TTBK2: variants seen among roughly 807,000 people sequenced by gnomAD.
TTBK2 encodes tau tubulin kinase 2.
In TTBK2, 28 loss-of-function variants were observed where a neutral mutation model predicts 110.8. The ratio of observed to expected loss-of-function variants is 0.25; its 90% CI spans 0.19 to 0.35. The LOEUF (loss-of-function observed/expected upper bound fraction) is 0.35, where lower values mean the gene tolerates loss of function less well. Among genes scored for constraint, TTBK2 ranks in the 10% least tolerant of loss-of-function variants. TTBK2 has a pLI of 1.00. For synonymous variants in TTBK2, 532 were observed against 527.3 expected (o/e 1.01, Z -0.12); for missense variants, 1,369 against 1,500.3 (o/e 0.91, Z 1.45).
At chr15:42,802,706 A>G (rs578235128) in intron 9 of TTBK2, among the ~76,000 whole-genome samples, 27 of 152,186 alleles carry the variant, frequency 1.8e-4, no homozygotes, top group Non-Finnish European at 4.0e-4. Flanking sequence ...TCATTGTGCA[A>G]GCATCATACA....
intron 11 of TTBK2, among the ~76,000 whole-genome samples, chr15:42,779,554 T>G (rs773511536): frequency 2.0e-5 from 3 of 151,980 alleles, no homozygotes; most frequent in African/African-American, 7.3e-5. Context: ...CCAAAAGACA[T>G]GAGGTAAAGG....
At position 42,787,333 on chromosome 15, in the gene TTBK2, C is replaced by T. The variant is rs148511743; in HGVS notation, c.981-3698G>A. Among the ~76,000 whole-genome samples, 562 of 152,216 alleles carry T rather than the reference C, an allele frequency of 3.7e-3. 2 individuals carry two copies. The highest frequency in any genetic ancestry group is 0.013 in the African/African-American group (538 of 41,526). On this transcript the variant is annotated intron_variant, in intron 10 of 14. Coordinates refer to ENST00000267890, the MANE Select transcript of TTBK2 (RefSeq NM_173500.4). ...CTTCTAAACTTTCATTCTCCCTCTACGAAGAAATTCAGGGTTCTGGGACAT... is the reference window on the plus strand; with the variant it reads ...CTTCTAAACTTTCATTCTCCCTCTATGAAGAAATTCAGGGTTCTGGGACAT...
chr15:42,764,892 C>G (rs1046703970), intron 13 of TTBK2, among the ~76,000 whole-genome samples: 7 of 152,242 alleles, frequency 4.6e-5, no homozygotes, highest in African/African-American at 1.7e-4. Context: ...AGGTGCCCCT[C>G]TGAGACGAAG....
chr15:42,827,525 A>G (rs775824523), intron 6 of TTBK2, among the ~76,000 whole-genome samples: 6 of 152,230 alleles, frequency 3.9e-5, no homozygotes, highest in Non-Finnish European at 7.3e-5. Flanking sequence ...GAAATAAAGG[A>G]CAGCTTGATT....
intron 1 of TTBK2, among the ~76,000 whole-genome samples, chr15:42,892,509 C>T (rs1419204920): frequency 6.6e-6 from 1 of 151,476 alleles, no homozygotes; most frequent in African/African-American, 2.4e-5. Context: ...GGGTTCAAGA[C>T]CAACCTAAGC....
intron 9 of TTBK2, chr15:42,801,153 C>A: frequency 8.3e-7 from 1 of 1,201,372 alleles, no homozygotes; most frequent in Admixed American, 1.7e-5. Context: ...GCTCTGACCA[C>A]CTGCATAGCT....
At chr15:42,802,282 C>T (rs1318961813) in intron 9 of TTBK2, 3 of 792,604 alleles carry the variant, frequency 3.8e-6, no homozygotes, top group Non-Finnish European at 6.8e-6. Flanking sequence ...GCTGCTGCTG[C>T]CCATTCGGGA....
intron 5 of TTBK2, among the ~76,000 whole-genome samples, chr15:42,828,722 CA>C (rs1223349148): frequency 3.4e-3 from 172 of 50,604 alleles, no homozygotes; most frequent in Middle Eastern, 0.013. Flanking sequence ...GACTCTGTCA[CA>C]AAAAAAAAAA....
At chr15:42,847,129 C>G (rs1429749589) in intron 3 of TTBK2, among the ~76,000 whole-genome samples, 1 of 152,204 alleles carries the variant, frequency 6.6e-6, no homozygotes, top group African/African-American at 2.4e-5. Flanking sequence ...GTCAGAAGTA[C>G]AGTTTAAGCC....
chr15:42,905,574 T>C, intron 1 of TTBK2, among the ~76,000 whole-genome samples: 1 of 152,154 alleles, frequency 6.6e-6, no homozygotes, highest in East Asian at 1.9e-4. Flanking sequence ...ATCTTTTAAA[T>C]TGTATAGGAA....
intron 4 of TTBK2, among the ~76,000 whole-genome samples, chr15:42,838,610 G>A (rs1036287720): frequency 6.6e-6 from 1 of 152,178 alleles, no homozygotes; most frequent in Non-Finnish European, 1.5e-5. Context: ...GAGGTCAGGA[G>A]TTCAACGCCA....
intron 1 of TTBK2, among the ~76,000 whole-genome samples, chr15:42,895,303 G>T (rs1158906857): frequency 6.6e-6 from 1 of 152,056 alleles, no homozygotes; most frequent in Admixed American, 6.5e-5. Context: ...TCTGCAAAAG[G>T]ACAGAAATAT....
rs57628672 is a variant in TTBK2, at chr15:42,851,238, ACT to A, written c.218-10807_218-10806del. Among the ~76,000 whole-genome samples, 729 of 150,480 alleles carry A rather than the reference ACT, an allele frequency of 4.8e-3. 14 individuals carry two copies. The highest frequency in any genetic ancestry group is 0.035 in the Admixed American group (531 of 15,026). ...ACTCCAGCCTCGGCGACAGAGCAAA[ACT>A]CTGTCTCAGAAAAAAAAAAAAAAGA... On this transcript the variant is annotated intron_variant, in intron 3 of 14. Transcript: ENST00000267890.
chr15:42,894,192 C>T (rs1233620189), intron 1 of TTBK2, among the ~76,000 whole-genome samples: 3 of 152,180 alleles, frequency 2.0e-5, no homozygotes, highest in African/African-American at 7.2e-5. Flanking sequence ...CCTCCTTTGC[C>T]TTTCACTATG....
intron 1 of TTBK2, among the ~76,000 whole-genome samples, chr15:42,913,684 A>G (rs1280234428): frequency 6.6e-6 from 1 of 152,182 alleles, no homozygotes; most frequent in Non-Finnish European, 1.5e-5. Flanking sequence ...TATGGTTACA[A>G]TTACTGACAA....
At chr15:42,749,928 A>G (rs1025424162) in intron 14 of TTBK2, among the ~76,000 whole-genome samples, 1 of 152,128 alleles carries the variant, frequency 6.6e-6, no homozygotes, top group African/African-American at 2.4e-5. Flanking sequence ...AAAAAAACAA[A>G]CAAACAAATT....
intron 3 of TTBK2, among the ~76,000 whole-genome samples, chr15:42,851,555 G>A (rs1893713577): frequency 6.6e-6 from 1 of 152,136 alleles, no homozygotes; most frequent in South Asian, 2.1e-4. Context: ...GTGAGTTGCA[G>A]AACAGCATAT....
intron 3 of TTBK2, among the ~76,000 whole-genome samples, chr15:42,867,245 C>CAAAAA (rs199562887): frequency 4.7e-5 from 3 of 63,190 alleles, no homozygotes; most frequent in Non-Finnish European, 6.9e-5. Context: ...GACTCCGTCT[C>CAAAAA]AAAAAAAAAA....
chr15:42,777,063 T>G lies in TTBK2; in HGVS notation c.1377A>C (p.Pro459=), dbSNP rs765017014. The change falls in exon 12 of 15, where the codon CCA becomes CCC. Residue 459 remains proline (P), a synonymous_variant. Transcript: ENST00000267890. The part of the protein sequence containing the change: ...FELEKRLTLE[P]KPDTDKFLET... ...CAAGGAACTTGTCAGTGTCTGGCTT[T>G]GGCTCCAGGGTCAGACGTTTTTCCA... The G allele has an allele frequency of 6.2e-7, 1 of 1,614,196 alleles. No homozygotes were observed. The highest frequency in any genetic ancestry group is 2.2e-5 in the East Asian group (1 of 44,894).
Sources: gnomAD v4.1 joint callset for allele counts (sites outside exome capture counted in the v4.1 genomes callset) on GRCh38, gnomAD v4.1.1 for gene constraint, MANE v1.5 for transcripts, NCBI Gene and HGNC (gene_info 2026-07-23, HGNC 2026-07-21) for gene names.